The following SLC35F1 variants were observed in gnomAD, a reference collection of about 807,000 sequenced individuals.
SLC35F1 encodes solute carrier family 35 member F1, also known as chromosome 6 open reading frame 169.
Under a neutral mutation model 48.7 loss-of-function variants are expected in SLC35F1, and 14 were observed. The observed-to-expected ratio is 0.29, with a 90% confidence interval of 0.19 to 0.45. SLC35F1 has a LOEUF of 0.45. Ranked by LOEUF, SLC35F1 falls within the 20% of genes least tolerant of loss-of-function variation. SLC35F1 has a pLI of 1.00. For synonymous variants in SLC35F1, 190 were observed against 202.2 expected, an observed-to-expected ratio of 0.94 and a Z score of 0.51; for missense variants, 404 against 500.0, an observed-to-expected ratio of 0.81 and a Z score of 1.83.
intron 1 of SLC35F1, among the ~76,000 whole-genome samples, chr6:118,059,832 T>C (rs558296935): frequency 6.6e-6 from 1 of 152,292 alleles, no homozygotes; most frequent in Non-Finnish European, 1.5e-5. Context: ...CTAATCACAA[T>C]CATGGAGGCC....
intron 2 of SLC35F1, among the ~76,000 whole-genome samples, chr6:118,180,643 C>T (rs968754420): frequency 6.6e-6 from 1 of 152,006 alleles, no homozygotes; most frequent in Non-Finnish European, 1.5e-5. Flanking sequence ...GTTAGTTCTT[C>T]AGACTTTATT....
chr6:118,248,946 G>T (rs114438136), intron 3 of SLC35F1, among the ~76,000 whole-genome samples: 1 of 152,270 alleles, frequency 6.6e-6, no homozygotes, highest in African/African-American at 2.4e-5. Flanking sequence ...AATGGTATTA[G>T]TGCCCTTATA....
At chr6:118,131,744 G>T (rs1773715104) in intron 1 of SLC35F1, among the ~76,000 whole-genome samples, 1 of 148,510 alleles carries the variant, frequency 6.7e-6, no homozygotes, top group Admixed American at 6.8e-5. Context: ...TTGCGTTCTG[G>T]CATTCAAAGA....
At chr6:117,933,598 A>G (rs1776128467) in intron 1 of SLC35F1, among the ~76,000 whole-genome samples, 1 of 152,126 alleles carries the variant, frequency 6.6e-6, no homozygotes, top group Admixed American at 6.5e-5. Context: ...AGAAAAAAAA[A>G]GGATGTTTTC....
At chr6:118,028,491 C>T (rs1023426777) in intron 1 of SLC35F1, among the ~76,000 whole-genome samples, 1 of 152,010 alleles carries the variant, frequency 6.6e-6, no homozygotes, top group African/African-American at 2.4e-5. Context: ...CTTGAATATA[C>T]AGGGCAAATT....
chr6:118,210,141 G>T (rs1002788206), intron 2 of SLC35F1, among the ~76,000 whole-genome samples: 1 of 152,192 alleles, frequency 6.6e-6, no homozygotes, highest in Non-Finnish European at 1.5e-5. Context: ...CCACCTTGAG[G>T]AGCTTGTCAG....
At chr6:118,204,488 TC>T (rs1465314373) in intron 2 of SLC35F1, among the ~76,000 whole-genome samples, 1 of 152,312 alleles carries the variant, frequency 6.6e-6, no homozygotes, top group Admixed American at 6.5e-5. Flanking sequence ...GCATATCTTC[TC>T]GTAATTTCTG....
Position 118,015,964 on chromosome 6 carries a change from G to C in SLC35F1, c.173+108065G>C, listed in dbSNP as rs1393774728. Among the ~76,000 whole-genome samples, 3 of 152,084 alleles carry C rather than the reference G, an allele frequency of 2.0e-5. No individual in the cohort carries two copies. In the East Asian group the frequency reaches 5.8e-4, roughly 29 times the overall value. ...AATCCAGTTATTTGCTAAATAAATT[G>C]GTATGTATCCTCTTGGAAGATCATT... On this transcript the variant is annotated intron_variant, in intron 1 of 7. Transcript: ENST00000360388.
intron 1 of SLC35F1, among the ~76,000 whole-genome samples, chr6:118,090,845 T>A (rs532687630): frequency 3.3e-5 from 5 of 152,248 alleles, no homozygotes; most frequent in Admixed American, 2.6e-4. Flanking sequence ...TGGGGGGGCA[T>A]AAGTGGAAGG....
chr6:118,083,027 A>G (rs1229510923), intron 1 of SLC35F1, among the ~76,000 whole-genome samples: 1 of 152,180 alleles, frequency 6.6e-6, no homozygotes, highest in Admixed American at 6.5e-5. Flanking sequence ...ACTGCTAGGC[A>G]GAGAAAAACA....
At chr6:117,952,339 G>A (rs910458705) in intron 1 of SLC35F1, among the ~76,000 whole-genome samples, 1 of 152,236 alleles carries the variant, frequency 6.6e-6, no homozygotes, top group East Asian at 1.9e-4. Flanking sequence ...TGTACCATGG[G>A]GCTGCTCCTC....
At chr6:118,166,264 G>A (rs1221943165) in intron 2 of SLC35F1, among the ~76,000 whole-genome samples, 1 of 152,156 alleles carries the variant, frequency 6.6e-6, no homozygotes, top group Admixed American at 6.5e-5. Flanking sequence ...TATCATTTGA[G>A]AAGGGGAGAA....
At chr6:118,197,537 C>A (rs1291661760) in intron 2 of SLC35F1, among the ~76,000 whole-genome samples, 1 of 152,112 alleles carries the variant, frequency 6.6e-6, no homozygotes, top group East Asian at 1.9e-4. Flanking sequence ...TATCTGATTC[C>A]AGGATAATAT....
chr6:118,269,942 C>T (rs988921413), intron 4 of SLC35F1, among the ~76,000 whole-genome samples: 2 of 152,090 alleles, frequency 1.3e-5, no homozygotes, highest in African/African-American at 2.4e-5. Context: ...GCGGGAGGAT[C>T]GCCTGAGCCC....
chr6:118,119,499 C>CCG (rs369096592), intron 1 of SLC35F1, among the ~76,000 whole-genome samples: 1 of 74,562 alleles, frequency 1.3e-5, no homozygotes, highest in Admixed American at 2.1e-4. Context: ...CCGGCGCCCC[C>CCG]CCTCCACCCC....
At chr6:117,960,446 GA>G (rs1776483843) in intron 1 of SLC35F1, among the ~76,000 whole-genome samples, 1 of 151,946 alleles carries the variant, frequency 6.6e-6, no homozygotes, top group Middle Eastern at 3.2e-3. Context: ...GCTCATCATT[GA>G]TTTGGTTTCT....
intron 1 of SLC35F1, among the ~76,000 whole-genome samples, chr6:118,106,550 C>A (rs555343843): frequency 6.6e-6 from 1 of 152,194 alleles, no homozygotes; most frequent in East Asian, 1.9e-4. Flanking sequence ...AGCTCTCTCA[C>A]GTGTACTACA....
intron 7 of SLC35F1, among the ~76,000 whole-genome samples, chr6:118,286,601 G>A (rs1446351831): frequency 6.6e-6 from 1 of 152,114 alleles, no homozygotes; most frequent in Non-Finnish European, 1.5e-5. Context: ...CAGCAGACAG[G>A]AATAAAGTTC....
intron 1 of SLC35F1, among the ~76,000 whole-genome samples, chr6:118,116,487 C>G (rs536699947): frequency 6.6e-6 from 1 of 152,252 alleles, no homozygotes; most frequent in South Asian, 2.1e-4. Flanking sequence ...GAATAAAGCC[C>G]ATCTTCTGTG....
Sources: allele counts gnomAD v4.1 joint callset (sites outside exome capture counted in the v4.1 genomes callset), GRCh38; gene constraint gnomAD v4.1.1; transcripts MANE v1.5; gene names NCBI Gene and HGNC (gene_info 2026-07-23, HGNC 2026-07-21).